SLC25A48: variants seen among roughly 807,000 people sequenced by gnomAD.
SLC25A48 encodes the protein solute carrier family 25 member 48.
Under a neutral mutation model 32.2 loss-of-function variants are expected in SLC25A48, and 29 were observed. That is an observed-to-expected ratio of 0.90 (90% confidence interval 0.67 to 1.23). The LOEUF (loss-of-function observed/expected upper bound fraction) is 1.23. Among genes scored for constraint, SLC25A48 ranks in the 50% most tolerant of loss-of-function variants. The probability of loss-of-function intolerance (pLI) is 0.00; values close to 1 mark genes in which losing one functional copy is unlikely to be tolerated. For missense variants in SLC25A48, 399 were observed against 422.7 expected (o/e 0.94, Z 0.49); for synonymous variants, 164 against 172.3 (o/e 0.95, Z 0.38).
At chr5:135,625,145 T>C (rs1752415791) in intron 1 of SLC25A48, among the ~76,000 whole-genome samples, 1 of 151,824 alleles carries the variant, frequency 6.6e-6, no homozygotes. Context: ...GCAGCCCTGA[T>C]AGGTGAGGGT....
At position 135,838,831 on chromosome 5, in the gene SLC25A48, T is replaced by G. The variant is rs188310445; in HGVS notation, c.47-3585T>G. ...AAATGCCTGGATGTCCAGGCAGAAGTTTGCTGCAGTTGGCTGCAGGGGTGG... is the reference window on the plus strand; with the variant it reads ...AAATGCCTGGATGTCCAGGCAGAAGGTTGCTGCAGTTGGCTGCAGGGGTGG... On this transcript the variant is annotated intron_variant, in intron 1 of 7. Transcript: ENST00000681962. Among the ~76,000 whole-genome samples the G allele has an allele frequency of 2.0e-5, 3 of 152,340 alleles. No homozygotes were observed. In the East Asian group the frequency reaches 5.8e-4, roughly 29 times the overall value.
At chr5:135,766,190 T>C (rs1246443322) in intron 3 of SLC25A48, among the ~76,000 whole-genome samples, 1 of 151,056 alleles carries the variant, frequency 6.6e-6, no homozygotes, top group Admixed American at 6.6e-5. Context: ...TGTAGTATGG[T>C]TTGTAATATT....
intron 7 of SLC25A48, among the ~76,000 whole-genome samples, chr5:135,884,289 T>C (rs1261461271): frequency 6.6e-6 from 1 of 152,190 alleles, no homozygotes; most frequent in Non-Finnish European, 1.5e-5. Flanking sequence ...GAGTTGAAAG[T>C]GTTCCGTCTC....
chr5:135,859,419 T>C (rs1760603105), intron 4 of SLC25A48, among the ~76,000 whole-genome samples: 1 of 152,078 alleles, frequency 6.6e-6, no homozygotes, highest in East Asian at 1.9e-4. Context: ...TCCTACCAGA[T>C]CCCTCCCATG....
At chr5:135,815,415 C>T (rs1399844124) in intron 4 of SLC25A48, among the ~76,000 whole-genome samples, 1 of 152,190 alleles carries the variant, frequency 6.6e-6, no homozygotes, top group Non-Finnish European at 1.5e-5. Context: ...TGCTCACCTC[C>T]TGCTGTGTGG....
intron 3 of SLC25A48, among the ~76,000 whole-genome samples, chr5:135,738,811 G>A (rs1046597638): frequency 2.0e-5 from 3 of 152,216 alleles, no homozygotes; most frequent in African/African-American, 4.8e-5. Flanking sequence ...GCCAGGTGCA[G>A]TGGCTCATAT....
intron 3 of SLC25A48, among the ~76,000 whole-genome samples, chr5:135,786,633 CTAATTG>C (rs1256367627): frequency 6.6e-6 from 1 of 151,844 alleles, no homozygotes; most frequent in East Asian, 1.9e-4. Flanking sequence ...CCTAGTGATA[CTAATTG>C]TAATTTCTTA....
intron 7 of SLC25A48, among the ~76,000 whole-genome samples, chr5:135,886,669 TGTGTGAGAGAGA>T (rs1478848025): frequency 2.5e-5 from 2 of 81,286 alleles, no homozygotes; most frequent in African/African-American, 1.4e-4. Context: ...TGTGTGTGTG[TGTGTGAGAGAGA>T]GAGAGAGAGA....
At chr5:135,648,423 G>T (rs1753022739) in intron 3 of SLC25A48, among the ~76,000 whole-genome samples, 1 of 152,200 alleles carries the variant, frequency 6.6e-6, no homozygotes, top group South Asian at 2.1e-4. Flanking sequence ...TTAATATTTT[G>T]AAACCTCAAA....
chr5:135,776,153 G>A (rs372067246), intron 3 of SLC25A48, among the ~76,000 whole-genome samples: 5 of 151,524 alleles, frequency 3.3e-5, no homozygotes, highest in African/African-American at 1.2e-4. Context: ...AATATCGTAG[G>A]GATTGTACAC....
chr5:135,689,779 AC>A (rs1561791860), intron 3 of SLC25A48, among the ~76,000 whole-genome samples: 1 of 152,264 alleles, frequency 6.6e-6, no homozygotes, highest in African/African-American at 2.4e-5. Context: ...TACAAGAGCA[AC>A]CCAGCTATGC....
intron 3 of SLC25A48, among the ~76,000 whole-genome samples, chr5:135,662,015 A>G (rs1039457820): frequency 6.6e-5 from 10 of 152,208 alleles, no homozygotes; most frequent in Non-Finnish European, 1.2e-4. Flanking sequence ...GTGGTGCCCT[A>G]TGAAAAGATC....
intron 3 of SLC25A48, among the ~76,000 whole-genome samples, chr5:135,639,690 G>A (rs1452055973): frequency 6.6e-6 from 1 of 152,182 alleles, no homozygotes; most frequent in Non-Finnish European, 1.5e-5. Flanking sequence ...TAAGGACCAT[G>A]CTCTAGAGTA....
In SLC25A48 at chr5:135,665,609, A is replaced by G. The variant is rs116045864; in HGVS notation, c.-521+30653A>G. On this transcript the variant is annotated intron_variant, in intron 3 of 10. Coordinates refer to the SLC25A48 transcript ENST00000646290. ...TCTATCTTGCGTTGATTTTTGTATAAGGTGAGAGATAGGGATCGCGTTTTA... is the reference window on the plus strand; with the variant it reads ...TCTATCTTGCGTTGATTTTTGTATAGGGTGAGAGATAGGGATCGCGTTTTA... Among the ~76,000 whole-genome samples, 1,448 of 152,180 alleles carry G rather than the reference A, an allele frequency of 9.5e-3. 26 individuals carry two copies. The highest frequency in any genetic ancestry group is 0.033 in the African/African-American group (1,361 of 41,518).
chr5:135,635,964 A>G (rs1190851204), intron 3 of SLC25A48, among the ~76,000 whole-genome samples: 3 of 152,182 alleles, frequency 2.0e-5, no homozygotes, highest in African/African-American at 7.2e-5. Context: ...ACCCAGCCAG[A>G]GTCTGTCATT....
At position 135,876,174 on chromosome 5, in the gene SLC25A48, G is replaced by C. The variant is rs184212575; in HGVS notation, c.813+2020G>C. 29 of 93,002 alleles carry C rather than the reference G, an allele frequency of 3.1e-4. No homozygotes were observed. In the East Asian group the frequency reaches 9.4e-3, roughly 30 times the overall value. The allele number at this position is 93,002 out of a possible 1,614,324, so 5.8% of individuals were successfully genotyped here. A position where few individuals can be genotyped will look rare whatever the true frequency, so the allele number is the denominator to read the frequency against. ...TTTTTTTTTTTTTAGCAGAAATACA[G>C]TTTGTGATTCAGCCAATGAGTATAG... On this transcript the variant is annotated intron_variant, in intron 6 of 7. Coordinates refer to ENST00000681962, the MANE Select transcript of SLC25A48 (RefSeq NM_001349336.2).
rs78665086 is a variant in SLC25A48, at chr5:135,608,090, C to G, written c.-848-21147C>G. ...TGAGTGAGTCTTTTGATAAATGGTC[C>G]AAGCTCAGAGATGTGTTCACAGCTG... On this transcript the variant is annotated intron_variant, in intron 1 of 10. Coordinates refer to the SLC25A48 transcript ENST00000646290. Among the ~76,000 whole-genome samples, 660 of 152,248 alleles carry G rather than the reference C, an allele frequency of 4.3e-3. 1 individual carries two copies. The highest frequency in any genetic ancestry group is 0.014 in the African/African-American group (569 of 41,526).
chr5:135,671,168 C>T (rs757092463), intron 3 of SLC25A48, among the ~76,000 whole-genome samples: 9 of 152,184 alleles, frequency 5.9e-5, no homozygotes, highest in East Asian at 1.9e-4. Context: ...GAATAAGGGC[C>T]GAAGGAGCTA....
chr5:135,599,649 T>C (rs192774244), intron 1 of SLC25A48, among the ~76,000 whole-genome samples: 2 of 152,358 alleles, frequency 1.3e-5, no homozygotes, highest in African/African-American at 2.4e-5. Context: ...TGCATGTTTC[T>C]TCCGCATGCA....
Sources: allele counts gnomAD v4.1 joint callset (sites outside exome capture counted in the v4.1 genomes callset), GRCh38; gene constraint gnomAD v4.1.1; transcripts MANE v1.5; gene names NCBI Gene and HGNC (gene_info 2026-07-23, HGNC 2026-07-21).